SIM2: variants seen among roughly 807,000 people sequenced by gnomAD.
SIM2 encodes the protein single-minded homolog 2.
Under a neutral mutation model 64.8 loss-of-function variants are expected in SIM2, and 28 were observed. The observed-to-expected ratio is 0.43, with a 90% CI of 0.32 to 0.59. The LOEUF is 0.59. SIM2 is among the 20% of genes least tolerant of loss of function. The probability of loss-of-function intolerance (pLI) is 0.07; values close to 1 mark genes in which losing one functional copy is unlikely to be tolerated. For missense variants in SIM2, 847 were observed against 871.4 expected, an observed-to-expected ratio of 0.97 and a Z score of 0.35; for synonymous variants, 408 against 391.1, an observed-to-expected ratio of 1.04 and a Z score of -0.51.
At chr21:36,733,827 C>T (rs1040189415) in intron 7 of SIM2, among the ~76,000 whole-genome samples, 99 of 152,178 alleles carry the variant, frequency 6.5e-4, no homozygotes, top group African/African-American at 2.2e-3. Flanking sequence ...TCCCATAGTG[C>T]TGGGATTACA....
chr21:36,708,381 T>C (rs1389872592), intron 1 of SIM2, among the ~76,000 whole-genome samples: 1 of 152,030 alleles, frequency 6.6e-6, no homozygotes, highest in Non-Finnish European at 1.5e-5. Context: ...GCAACACTGG[T>C]TGGTAGCTTT....
At chr21:36,702,886 G>C (rs754125804) in intron 1 of SIM2, among the ~76,000 whole-genome samples, 1 of 148,620 alleles carries the variant, frequency 6.7e-6, no homozygotes, top group Non-Finnish European at 1.5e-5. Flanking sequence ...TTGTCTCAAA[G>C]CAAGTGGATT....
rs1213609611 is a variant in SIM2 at position 36,747,691 on chromosome 21, G to A, written c.1603G>A (p.Gly535Ser). 1.6e-6 allele frequency: 2 copies of A among 1,283,156 alleles called. No homozygotes were observed. Among genetic ancestry groups the A allele is most frequent in the African/African-American group, 1.6e-5 (1 of 64,472 alleles). 79.5% of individuals were successfully genotyped at this position (1,283,156 alleles called of 1,614,324 possible). ...GCCCGCCGCCGCCGTGCGCAGGTTC[G>A]GCGAGGACACCGCGCCCCCGAGCTT... ...EAPAAAVRRFGEDTAPPSFPS... is the reference protein window; with the variant it reads ...EAPAAAVRRFSEDTAPPSFPS... The change falls in exon 11 of 11, where the codon GGC becomes AGC. Residue 535 changes from glycine to serine, a missense_variant. By Grantham distance (56) the Gly-to-Ser change is moderately conservative (BLOSUM62 0). This residue lies in a region of SIM2 where 447 missense variants were observed against 414.6 expected (regional missense o/e 1.08). Transcript: ENST00000290399. This position sits in a 1 kb window ranked among gnomAD's most constrained non-coding sequence, Gnocchi z 4.5.
intron 1 of SIM2, among the ~76,000 whole-genome samples, chr21:36,707,386 G>A (rs555618696): frequency 2.0e-5 from 3 of 152,142 alleles, no homozygotes; most frequent in Non-Finnish European, 4.4e-5. Context: ...GTGATGCGGG[G>A]TGAGCGCGAT....
In SIM2 at chr21:36,744,802, C is replaced by T. The variant is rs747816999; in HGVS notation, c.1242C>T (p.Ser414=). The change falls in exon 10 of 11, where the codon AGC becomes AGT. Residue 414 remains serine, a synonymous_variant. Coordinates refer to ENST00000290399, the MANE Select transcript of SIM2 (RefSeq NM_005069.6). ...LGNWRASPPA[S]AAAPPELQPH... ...ACTGGAGAGCCAGTCCCCCTGCAAG[C>T]GCTGCTGCTCCTCCAGAACTGCAGC... is the stretch of plus-strand genomic sequence containing the variant. 18 of 1,613,944 alleles carry T rather than the reference C, an allele frequency of 1.1e-5. No homozygotes were observed. Among genetic ancestry groups the T allele is most frequent in the East Asian group, 6.7e-5 (3 of 44,884 alleles).
intron 1 of SIM2, among the ~76,000 whole-genome samples, chr21:36,706,362 C>T (rs8132196): frequency 0.02 from 2,981 of 152,130 alleles, 97 homozygotes; most frequent in African/African-American, 0.067. Context: ...AGCTCCCCTC[C>T]CCCCAGCCGC....
In SIM2 at chr21:36,699,694, G is replaced by A. The variant is rs1163313298; in HGVS notation, c.-53G>A. ...TCCCCGCCGCCGCAGCCCGAGCGGG[G>A]CTCCGCGGGCCTGGAGCACGGCCGG... On this transcript the variant is annotated 5_prime_UTR_variant, in exon 1 of 11. Transcript: ENST00000290399. The surrounding 1 kb of genome is among the most constrained non-coding windows in gnomAD (Gnocchi z 5.6). 1.9e-6 allele frequency: 3 copies of A among 1,575,978 alleles called. No homozygotes were observed. Among genetic ancestry groups the A allele is most frequent in the Non-Finnish European group, 2.6e-6 (3 of 1,162,172 alleles).
Position 36,744,957 on chromosome 21 carries a change from G to C in SIM2, c.1397G>C (p.Gly466Ala). The change falls in exon 10 of 11, where the codon GGG becomes GCG. Residue 466 changes from glycine to alanine, a missense_variant. Coordinates refer to ENST00000290399, the MANE Select transcript of SIM2 (RefSeq NM_005069.6). The stretch of plus-strand genomic sequence containing the variant: ...AAGCCAATGTTGCCGGCCAAGTTCG[G>C]GCAGCCCCAAGGATCCCCTTGTGAG... The part of the protein sequence containing the change: ...SKKPMLPAKF[G>A]QPQGSPCEVA... 6.2e-7 allele frequency: 1 copy of C among 1,614,236 alleles called. No individual in the cohort carries two copies. The highest frequency in any genetic ancestry group is 8.5e-7 in the Non-Finnish European group (1 of 1,180,044).
At chr21:36,725,183 A>G (rs2088874072) in intron 5 of SIM2, among the ~76,000 whole-genome samples, 1 of 152,030 alleles carries the variant, frequency 6.6e-6, no homozygotes, top group Admixed American at 6.6e-5. Context: ...TTGTCTCTAC[A>G]AAAAATTTTT....
chr21:36,729,166 C>T (rs1172967724), intron 6 of SIM2, among the ~76,000 whole-genome samples: 1 of 152,192 alleles, frequency 6.6e-6, no homozygotes, highest in Non-Finnish European at 1.5e-5. Context: ...ACGTTTGGGG[C>T]CGTTGTTCTG....
intron 2 of SIM2, among the ~76,000 whole-genome samples, chr21:36,712,281 G>T (rs900932944): frequency 1.3e-5 from 2 of 152,200 alleles, no homozygotes; most frequent in East Asian, 3.8e-4. Context: ...TGTTTTGCAT[G>T]ATTTTTGTGA....
intron 10 of SIM2, chr21:36,746,167 T>A: frequency 4.1e-6 from 1 of 245,786 alleles, no homozygotes; most frequent in Non-Finnish European, 7.9e-6. Flanking sequence ...ATACAAAAAT[T>A]AGTTGGGCAT....
At chr21:36,700,299 C>T (rs891939873) in intron 1 of SIM2, among the ~76,000 whole-genome samples, 6 of 149,950 alleles carry the variant, frequency 4.0e-5, no homozygotes, top group Non-Finnish European at 7.4e-5. Flanking sequence ...CTCTTTCTTT[C>T]CTTTCTTTCT....
Position 36,726,347 on chromosome 21 carries a change from TG to T in SIM2, c.743+31del, listed in dbSNP as rs755895920. ...AGTTCGGCACCTGCCACAGTGGCTG[TG>T]GCCTTCTGGAAGACACCGGTGGTGG... On this transcript the variant is annotated intron_variant, in intron 6 of 10. Coordinates refer to ENST00000290399, the MANE Select transcript of SIM2 (RefSeq NM_005069.6). This position sits in a 1 kb window ranked among gnomAD's most constrained non-coding sequence, Gnocchi z 4.5. 2.5e-6 allele frequency: 4 copies of T among 1,595,628 alleles called. No homozygotes were observed. The South Asian group carries it at 3.3e-5, about 13-fold the overall frequency.
intron 8 of SIM2, among the ~76,000 whole-genome samples, chr21:36,743,069 T>C (rs2089183982): frequency 1.3e-5 from 2 of 152,142 alleles, no homozygotes; most frequent in East Asian, 1.9e-4. Context: ...ACCTGATCAA[T>C]GGTATTTCTG....
chr21:36,747,763 A>G lies in SIM2; in HGVS notation c.1675A>G (p.Lys559Glu). ...CGAGGAGCCCGCGCTGGGCCCGGCC[A>G]AAGCCGCCCGCCAGGCCGCCCGGGA... The part of the protein sequence containing the change: ...YREEPALGPA[K>E]AARQAARDGA... Residue 559 changes from lysine to glutamate, a missense_variant, in exon 11 of 11, where the codon AAA becomes GAA. Lys to Glu is a moderately conservative substitution (Grantham distance 56, BLOSUM62 1). Coordinates refer to ENST00000290399, the MANE Select transcript of SIM2 (RefSeq NM_005069.6). This position sits in a 1 kb window ranked among gnomAD's most constrained non-coding sequence, Gnocchi z 4.5. 1 of 1,156,138 alleles carries G rather than the reference A, an allele frequency of 8.6e-7. No homozygotes were observed. 71.6% of individuals were successfully genotyped at this position (1,156,138 alleles called of 1,614,324 possible).
Position 36,747,877 on chromosome 21 carries a change from T to C in SIM2, c.1789T>C (p.Phe597Leu). 4 of 1,066,220 alleles carry C rather than the reference T, an allele frequency of 3.8e-6. No homozygotes were observed. Among genetic ancestry groups the C allele is most frequent in the South Asian group, 2.5e-5 (1 of 40,556 alleles). 66.0% of individuals were successfully genotyped at this position (1,066,220 alleles called of 1,614,324 possible). ...EAPGAPAQLP[F>L]VLLNYHRVLA... ...CCCGGGCGCGCCGGCGCAGCTGCCC[T>C]TCGTGCTGCTCAACTACCACCGCGT... The change falls in exon 11 of 11, where the codon TTC (phenylalanine) becomes CTC (leucine). Residue 597 changes from phenylalanine (F) to leucine (L), a missense_variant. Phe to Leu is a conservative substitution (Grantham distance 22). Transcript: ENST00000290399. The surrounding 1 kb of genome is among the most constrained non-coding windows in gnomAD (Gnocchi z 4.5).
chr21:36,739,989 AG>A (rs56309823), intron 7 of SIM2, among the ~76,000 whole-genome samples: 8 of 146,340 alleles, frequency 5.5e-5, no homozygotes, highest in Admixed American at 2.1e-4. Flanking sequence ...AAGAGAAAGA[AG>A]AGAAGAAAGA....
chr21:36,731,370 A>G (rs1315281791), intron 7 of SIM2, among the ~76,000 whole-genome samples: 3 of 152,192 alleles, frequency 2.0e-5, no homozygotes, highest in Non-Finnish European at 4.4e-5. Context: ...GGGAGACTCT[A>G]GCAGGTGTAG....
Sources: gnomAD v4.1 joint callset for allele counts (sites outside exome capture counted in the v4.1 genomes callset) on GRCh38, gnomAD v4.1.1 for gene constraint, gnomAD v4.1.1 regional missense constraint, Gnocchi (gnomAD v3.1) non-coding constraint, MANE v1.5 for transcripts, NCBI Gene and HGNC (gene_info 2026-07-23, HGNC 2026-07-21) for gene names.